CPEB4: variants seen among roughly 807,000 people sequenced by gnomAD.
The protein encoded by CPEB4 is cytoplasmic polyadenylation element-binding protein 4.
Under a neutral mutation model 72.5 loss-of-function variants are expected in CPEB4, and 12 were observed. That is an observed-to-expected ratio of 0.17 (90% CI 0.11 to 0.27). CPEB4 has a LOEUF of 0.27. Among genes scored for constraint, CPEB4 ranks in the 10% least tolerant of loss-of-function variants. The probability of loss-of-function intolerance (pLI) is 1.00; values close to 1 mark genes in which losing one functional copy is unlikely to be tolerated. For synonymous variants in CPEB4, 302 were observed against 326.3 expected, an observed-to-expected ratio of 0.93 and a Z score of 0.80; for missense variants, 614 against 908.5, an observed-to-expected ratio of 0.68 and a Z score of 4.17.
chr5:173,928,556 C>T (rs901580288), intron 2 of CPEB4, among the ~76,000 whole-genome samples: 12 of 152,200 alleles, frequency 7.9e-5, no homozygotes, highest in East Asian at 1.9e-4. Context: ...TACATATATA[C>T]GAGACACACA....
chr5:173,918,503 G>A (rs1385813922), intron 2 of CPEB4, among the ~76,000 whole-genome samples: 1 of 152,144 alleles, frequency 6.6e-6, no homozygotes, highest in African/African-American at 2.4e-5. Flanking sequence ...TATAAGGCGG[G>A]GAGGGTAAGG....
rs2113323052 is a variant in CPEB4 at position 173,960,759 on chromosome 5, AC to A, written c.*4623del. On this transcript the variant is annotated 3_prime_UTR_variant, in exon 10 of 10. Coordinates refer to ENST00000265085, the MANE Select transcript of CPEB4 (RefSeq NM_030627.4). ...GGCCACACTACCAAAGGGCTTGAAA[AC>A]AAGTCTCTTTTGACTTCCAATTCCC... The A allele has an allele frequency of 6.6e-6, 1 of 152,302 alleles. No homozygotes were observed. The highest frequency in any genetic ancestry group is 6.5e-5 in the Admixed American group (1 of 15,300). The allele number at this position is 152,302 out of a possible 1,614,324, so 9.4% of individuals were successfully genotyped here. A position where few individuals can be genotyped will look rare whatever the true frequency, so the allele number is the denominator to read the frequency against.
chr5:173,926,957 T>C (rs1757262228), intron 2 of CPEB4, among the ~76,000 whole-genome samples: 1 of 152,046 alleles, frequency 6.6e-6, no homozygotes, highest in Non-Finnish European at 1.5e-5. Flanking sequence ...GAGATCAGCC[T>C]GGCCAACATG....
intron 4 of CPEB4, 57 bp from the exon 5 acceptor site, chr5:173,944,910 A>G (rs1409917982): frequency 1.1e-5 from 16 of 1,440,002 alleles, no homozygotes; most frequent in South Asian, 7.5e-5. Context: ...TCTTTGCATG[A>G]TAATCAGTGG....
rs933366991 is a variant in CPEB4 at position 173,956,513 on chromosome 5, A to G, written c.*376A>G. 3 of 161,282 alleles carry G rather than the reference A, an allele frequency of 1.9e-5. No individual in the cohort carries two copies. The highest frequency in any genetic ancestry group is 7.2e-5 in the African/African-American group (3 of 41,756). 10.0% of individuals were successfully genotyped at this position (161,282 alleles called of 1,614,324 possible). A position where few individuals can be genotyped will look rare whatever the true frequency, so the allele number is the denominator to read the frequency against. ...TATTGTTAATAATATAACATATAAG[A>G]ATACTTTTATTAAAATAACCATGCA... is the stretch of plus-strand genomic sequence containing the variant. On this transcript the variant is annotated 3_prime_UTR_variant, in exon 10 of 10. Coordinates refer to ENST00000265085, the MANE Select transcript of CPEB4 (RefSeq NM_030627.4).
chr5:173,916,616 A>G (rs1389284650), intron 2 of CPEB4, among the ~76,000 whole-genome samples: 1 of 152,134 alleles, frequency 6.6e-6, no homozygotes, highest in African/African-American at 2.4e-5. Context: ...TGCTTTATCT[A>G]CGTGTTAAAT....
chr5:173,888,357 C>T lies in CPEB4; in HGVS notation c.-1377C>T, dbSNP rs904244058. Reference sequence around the variant, plus strand: ...CAGCTGGTTGTCATTTCACTCGGCTCGGTCCTGAGGAGAAGGACTCAGCCG... The same window carrying T: ...CAGCTGGTTGTCATTTCACTCGGCTTGGTCCTGAGGAGAAGGACTCAGCCG... On this transcript the variant is annotated 5_prime_UTR_variant, in exon 1 of 10. Transcript: ENST00000265085. This position sits in a 1 kb window ranked among gnomAD's most constrained non-coding sequence, Gnocchi z 4.3. 1.5e-5 allele frequency: 6 copies of T among 411,170 alleles called. No homozygotes were observed. Among genetic ancestry groups the T allele is most frequent in the Non-Finnish European group, 2.1e-5 (5 of 234,796 alleles). 25.5% of individuals were successfully genotyped at this position (411,170 alleles called of 1,614,324 possible). A position where few individuals can be genotyped will look rare whatever the true frequency, so the allele number is the denominator to read the frequency against.
intron 2 of CPEB4, among the ~76,000 whole-genome samples, chr5:173,917,587 G>A (rs1254340136): frequency 2.0e-5 from 3 of 152,176 alleles, no homozygotes; most frequent in Admixed American, 6.5e-5. Context: ...TTAGCAGGGC[G>A]CGGTAGCGGG....
At chr5:173,904,239 G>A (rs974244448) in intron 1 of CPEB4, among the ~76,000 whole-genome samples, 2 of 152,160 alleles carry the variant, frequency 1.3e-5, no homozygotes, top group Non-Finnish European at 2.9e-5. Context: ...TGTGAAGTGG[G>A]ATAATAACTG....
At chr5:173,912,565 TATATA>T (rs1259882764) in intron 2 of CPEB4, among the ~76,000 whole-genome samples, 1 of 151,624 alleles carries the variant, frequency 6.6e-6, no homozygotes, top group Non-Finnish European at 1.5e-5. Flanking sequence ...ACCCTGTCTC[TATATA>T]ATAAAGTAAT....
At chr5:173,902,543 A>G (rs1321818763) in intron 1 of CPEB4, among the ~76,000 whole-genome samples, 1 of 152,062 alleles carries the variant, frequency 6.6e-6, no homozygotes, top group East Asian at 1.9e-4. Flanking sequence ...GAACATTTAA[A>G]CTCAGTACAG....
At position 173,959,627 on chromosome 5, in the gene CPEB4, A is replaced by G. The variant is rs1758486750; in HGVS notation, c.*3490A>G. 6.5e-6 allele frequency: 1 copy of G among 152,768 alleles called. No individual in the cohort carries two copies. The highest frequency in any genetic ancestry group is 1.5e-5 in the Non-Finnish European group (1 of 68,026). The allele number at this position is 152,768 out of a possible 1,614,324, so 9.5% of individuals were successfully genotyped here. ...AAAAATGTCATTTTCTACTGTTAAG[A>G]GTAATCCTCTTTCTTGCTGGTGTTT... On this transcript the variant is annotated 3_prime_UTR_variant, in exon 10 of 10. Transcript: ENST00000265085.
intron 5 of CPEB4, among the ~76,000 whole-genome samples, chr5:173,947,869 T>C (rs938430722): frequency 6.6e-6 from 1 of 152,044 alleles, no homozygotes; most frequent in Admixed American, 6.6e-5. Flanking sequence ...AAATGACTGA[T>C]TCTTGGGCTG....
At position 173,890,305 on chromosome 5, in the gene CPEB4, A is replaced by G. The variant is rs1329000152; in HGVS notation, c.572A>G (p.His191Arg). ...ATCAATGAAGATGCAAGTTTCTTTC[A>G]CCAGGGAGGGGTCCCTGCTGCTTCG... is the stretch of plus-strand genomic sequence containing the variant. The part of the protein sequence containing the change: ...TIINEDASFF[H>R]QGGVPAASAN... Residue 191 changes from histidine to arginine, a missense_variant, in exon 1 of 10, where the codon CAC (histidine) becomes CGC (arginine). This residue lies in a region of CPEB4 where 458 missense variants were observed against 548.6 expected (regional missense o/e 0.83). Transcript: ENST00000265085. 6.2e-7 allele frequency: 1 copy of G among 1,614,088 alleles called. No homozygotes were observed.
Position 173,955,792 on chromosome 5 carries a change from C to A in CPEB4, c.1963-118C>A. On this transcript the variant is annotated intron_variant, in intron 9 of 9. Transcript: ENST00000265085. The surrounding 1 kb of genome is among the most constrained non-coding windows in gnomAD (Gnocchi z 4.7). ...ATATTTCAGTAAATGAATAATTAGT[C>A]CTTCCTCTTTGGGCACCTTGGAACA... 1 of 707,460 alleles carries A rather than the reference C, an allele frequency of 1.4e-6. No homozygotes were observed. Among genetic ancestry groups the A allele is most frequent in the Non-Finnish European group, 2.3e-6 (1 of 431,660 alleles). 43.8% of individuals were successfully genotyped at this position (707,460 alleles called of 1,614,324 possible).
chr5:173,894,611 A>G (rs1411736842), intron 1 of CPEB4, among the ~76,000 whole-genome samples: 1 of 130,156 alleles, frequency 7.7e-6, no homozygotes, highest in East Asian at 2.1e-4. Context: ...ACAGAGTGAG[A>G]CTCCGACTCA....
At position 173,932,349 on chromosome 5, in the gene CPEB4, C is replaced by T. The variant is rs2113238291; in HGVS notation, c.1208-101C>T. On this transcript the variant is annotated intron_variant, in intron 2 of 9. Coordinates refer to ENST00000265085, the MANE Select transcript of CPEB4 (RefSeq NM_030627.4). ...ATTGATATATCCTCTGATTCAAATA[C>T]CTTGCCTATTTGAAAGCAAGTCAAT... 3 of 780,740 alleles carry T rather than the reference C, an allele frequency of 3.8e-6. No individual in the cohort carries two copies. The South Asian group carries it at 5.4e-5, about 14-fold the overall frequency. The allele number at this position is 780,740 out of a possible 1,614,324, so 48.4% of individuals were successfully genotyped here.
At chr5:173,924,372 C>A (rs1757171764) in intron 2 of CPEB4, among the ~76,000 whole-genome samples, 1 of 152,140 alleles carries the variant, frequency 6.6e-6, no homozygotes, top group Admixed American at 6.5e-5. Context: ...CCTGAGAAGA[C>A]TTATATCCCT....
At chr5:173,896,066 C>G (rs941788690) in intron 1 of CPEB4, among the ~76,000 whole-genome samples, 6 of 152,096 alleles carry the variant, frequency 3.9e-5, no homozygotes, top group African/African-American at 1.4e-4. Context: ...TAACATATGC[C>G]TAGGTTTGAA....
Sources: allele counts gnomAD v4.1 joint callset (sites outside exome capture counted in the v4.1 genomes callset), GRCh38; gene constraint gnomAD v4.1.1; regional missense constraint gnomAD v4.1.1; non-coding constraint Gnocchi (gnomAD v3.1); transcripts MANE v1.5; gene names NCBI Gene and HGNC (gene_info 2026-07-23, HGNC 2026-07-21).